Variants in RHOT1 observed in about 807,000 individuals in gnomAD.
RHOT1 encodes the protein mitochondrial Rho GTPase 1.
A neutral mutation model predicts 95.3 loss-of-function variants in RHOT1; 27 were observed. The observed-to-expected ratio is 0.28, with a 90% CI of 0.21 to 0.39. The LOEUF (loss-of-function observed/expected upper bound fraction) is 0.39, where lower values mean the gene tolerates loss of function less well. Among genes scored for constraint, RHOT1 ranks in the 10% least tolerant of loss-of-function variants. RHOT1 has a pLI of 1.00. For missense variants in RHOT1, 578 were observed against 786.7 expected, an observed-to-expected ratio of 0.73 and a Z score of 3.17; for synonymous variants, 227 against 263.5, an observed-to-expected ratio of 0.86 and a Z score of 1.34.
chr17:32,218,954 C>A (rs1351051781), intron 19 of RHOT1, among the ~76,000 whole-genome samples: 2 of 152,024 alleles, frequency 1.3e-5, no homozygotes, highest in African/African-American at 4.8e-5. Context: ...AGATACACTT[C>A]TATTACAGTT....
intron 19 of RHOT1, among the ~76,000 whole-genome samples, chr17:32,214,534 A>G (rs1221168501): frequency 6.6e-6 from 1 of 152,186 alleles, no homozygotes; most frequent in Non-Finnish European, 1.5e-5. Flanking sequence ...GGACACATAG[A>G]ATGAAAATGT....
At chr17:32,176,934 T>C (rs987911837) in intron 6 of RHOT1, among the ~76,000 whole-genome samples, 9 of 152,206 alleles carry the variant, frequency 5.9e-5, no homozygotes, top group African/African-American at 2.2e-4. Flanking sequence ...AGTCCTTTTC[T>C]CAATTTTTTA....
In RHOT1 at chr17:32,211,135, A is replaced by G; in HGVS notation, c.1759A>G (p.Met587Val). The G allele has an allele frequency of 6.2e-7, 1 of 1,610,524 alleles. No individual in the cohort carries two copies. The change falls in exon 19 of 20, where the codon ATG becomes GTG. Residue 587 changes from methionine to valine, a missense_variant. Around this residue, in one of 4 missense-constraint regions of RHOT1, gnomAD observed 296 missense variants for 338.5 expected, o/e 0.87. Coordinates refer to ENST00000545287, the MANE Select transcript of RHOT1 (RefSeq NM_001033566.3). ...TCGCAGCCATGCCCGGTTACGCTGT[A>G]TGTGCACCTGCAACAGGTGTACATT... ...AMYPHARLRC[M>V]CTCNRCTFCI...
At chr17:32,192,332 CTTT>C (rs397857197) in intron 9 of RHOT1, 33 bp downstream of exon 9, 27,818 of 511,896 alleles carry the variant, frequency 0.054, no homozygotes, top group East Asian at 0.079. Context: ...ATTTGCGTAT[CTTT>C]TTTTTTTTTT....
intron 16 of RHOT1, among the ~76,000 whole-genome samples, chr17:32,204,870 G>A (rs2037593263): frequency 6.6e-6 from 1 of 151,326 alleles, no homozygotes; most frequent in African/African-American, 2.4e-5. Flanking sequence ...GTAATCCCAG[G>A]TACTTAGGAG....
intron 19 of RHOT1, among the ~76,000 whole-genome samples, chr17:32,219,253 T>C (rs1370024063): frequency 6.6e-6 from 1 of 152,212 alleles, no homozygotes; most frequent in East Asian, 1.9e-4. Flanking sequence ...TCTTTTCCTC[T>C]GCATAATAGC....
chr17:32,200,829 A>G (rs1189701829), intron 13 of RHOT1, 127 bp from the exon 14 acceptor site: 8 of 618,070 alleles, frequency 1.3e-5, no homozygotes, highest in Non-Finnish European at 2.3e-5. Context: ...GGCTCATAGG[A>G]AATTAAAGTA....
chr17:32,198,386 AT>A (rs1358785565), intron 11 of RHOT1, among the ~76,000 whole-genome samples: 1 of 152,154 alleles, frequency 6.6e-6, no homozygotes, highest in African/African-American at 2.4e-5. Context: ...TTATTTGTAA[AT>A]TTTTTATATT....
At chr17:32,186,618 G>A (rs113179235) in intron 8 of RHOT1, among the ~76,000 whole-genome samples, 1 of 152,026 alleles carries the variant, frequency 6.6e-6, no homozygotes, top group South Asian at 2.1e-4. Context: ...GCCCGCCTCG[G>A]CCCCCCAAAG....
At chr17:32,167,910 T>C (rs2034231913) in intron 1 of RHOT1, among the ~76,000 whole-genome samples, 1 of 152,026 alleles carries the variant, frequency 6.6e-6, no homozygotes, top group South Asian at 2.1e-4. Flanking sequence ...TGGCGTGGCC[T>C]GTGATACTAG....
intron 1 of RHOT1, 161 bp downstream of exon 1, chr17:32,142,890 C>T: frequency 1.3e-6 from 1 of 760,360 alleles, no homozygotes; most frequent in Non-Finnish European, 2.3e-6. Flanking sequence ...GCCTTCCAGC[C>T]CCTTCACTCT....
At chr17:32,151,940 G>C (rs1042635662) in intron 1 of RHOT1, among the ~76,000 whole-genome samples, 1 of 150,672 alleles carries the variant, frequency 6.6e-6, no homozygotes, top group Non-Finnish European at 1.5e-5. Flanking sequence ...AGAGATTCAC[G>C]TTCTTTGATT....
intron 1 of RHOT1, among the ~76,000 whole-genome samples, chr17:32,157,712 A>G (rs1029862037): frequency 1.1e-4 from 16 of 152,212 alleles, no homozygotes; most frequent in African/African-American, 3.4e-4. Context: ...GCTGAGAGAC[A>G]GGAGAATCAG....
chr17:32,216,680 G>A (rs1336373677), intron 19 of RHOT1, among the ~76,000 whole-genome samples: 28 of 151,986 alleles, frequency 1.8e-4, no homozygotes, highest in Admixed American at 1.8e-3. Context: ...CCTTTATGTA[G>A]TTTGAATTCA....
intron 19 of RHOT1, among the ~76,000 whole-genome samples, chr17:32,224,348 G>A (rs1432235579): frequency 2.0e-5 from 3 of 152,038 alleles, no homozygotes; most frequent in Admixed American, 6.6e-5. Flanking sequence ...TTTATTTCCT[G>A]TGTGAAAAAA....
At chr17:32,154,967 C>T (rs2032789682) in intron 1 of RHOT1, among the ~76,000 whole-genome samples, 1 of 151,586 alleles carries the variant, frequency 6.6e-6, no homozygotes, top group Non-Finnish European at 1.5e-5. Flanking sequence ...GCCTGTGGTC[C>T]CACCTACTTG....
rs1347784144 is a variant in RHOT1, at chr17:32,182,891, ATTTATT to A, written c.438+31_438+36del. ...GTATGCCTTGTAATTTGATTTGAAA[ATTTATT>A]TTTAATGAATTCTTACTAAATTCGG... On this transcript the variant is annotated intron_variant, in intron 7 of 19. Transcript: ENST00000545287. The A allele has an allele frequency of 5.8e-6, 8 of 1,374,658 alleles. No individual in the cohort carries two copies. In the Admixed American group the frequency reaches 1.2e-4, roughly 21 times the overall value. The allele number at this position is 1,374,658 out of a possible 1,614,324, so 85.2% of individuals were successfully genotyped here.
At chr17:32,209,202 T>C in intron 18 of RHOT1, 1 of 418,932 alleles carries the variant, frequency 2.4e-6, no homozygotes, top group Non-Finnish European at 4.2e-6. Context: ...TTTACTGCTA[T>C]TTTATTACCT....
At chr17:32,156,069 G>C (rs959166992) in intron 1 of RHOT1, among the ~76,000 whole-genome samples, 6 of 152,302 alleles carry the variant, frequency 3.9e-5, no homozygotes, top group Admixed American at 2.6e-4. Context: ...AAGGAAAAAG[G>C]GTTATGAAAT....
Sources: allele counts gnomAD v4.1 joint callset (sites outside exome capture counted in the v4.1 genomes callset), GRCh38; gene constraint gnomAD v4.1.1; regional missense constraint gnomAD v4.1.1; transcripts MANE v1.5; gene names NCBI Gene and HGNC (gene_info 2026-07-23, HGNC 2026-07-21).